DNM2: variants seen among roughly 807,000 people sequenced by gnomAD.
DNM2 encodes dynamin-2.
Under a neutral mutation model 99.0 loss-of-function variants are expected in DNM2, and 15 were observed. The ratio of observed to expected loss-of-function variants is 0.15; its 90% confidence interval spans 0.10 to 0.23. The LOEUF (loss-of-function observed/expected upper bound fraction) is 0.23, where lower values mean the gene tolerates loss of function less well. Among genes scored for constraint, DNM2 ranks in the 10% least tolerant of loss-of-function variants. The pLI, the probability that DNM2 is intolerant of heterozygous loss-of-function variation, is 1.00. For missense variants in DNM2, 742 were observed against 1,189.4 expected, an observed-to-expected ratio of 0.62 and a Z score of 5.53; for synonymous variants, 525 against 481.2, an observed-to-expected ratio of 1.09 and a Z score of -1.19.
intron 1 of DNM2, 159 bp downstream of exon 1, chr19:10,718,562 T>C (rs2068828978): frequency 6.5e-6 from 7 of 1,082,998 alleles, no homozygotes; most frequent in Non-Finnish European, 8.2e-6. Context: ...TGGGACGCCC[T>C]GGGCAGAGGA....
chr19:10,753,720 G>A (rs868051850), intron 1 of DNM2, among the ~76,000 whole-genome samples: 11 of 150,700 alleles, frequency 7.3e-5, no homozygotes, highest in South Asian at 2.1e-4. Flanking sequence ...GCAATGGCGC[G>A]ATCTCAGCTC....
chr19:10,823,884 C>A lies in DNM2; in HGVS notation c.1878C>A (p.Tyr626Ter). The change falls in exon 17 of 21, where the codon TAC becomes TAA. Residue 626 changes from tyrosine (Y) to a stop codon, truncating the protein, a stop_gained. Coordinates refer to ENST00000389253, the MANE Select transcript of DNM2 (RefSeq NM_001005361.3). LOFTEE classifies it high-confidence loss of function. The part of the protein sequence containing the change: ...WKASFLRAGV[Y>*]PEKDQAENED... ...CCTCGTTCCTCCGAGCTGGCGTCTACCCCGAGAAGGACCAGGTGAGGAGCC... is the reference window on the plus strand; with the variant it reads ...CCTCGTTCCTCCGAGCTGGCGTCTAACCCGAGAAGGACCAGGTGAGGAGCC... 1 of 1,613,742 alleles carries A rather than the reference C, an allele frequency of 6.2e-7. No individual in the cohort carries two copies. The highest frequency in any genetic ancestry group is 8.5e-7 in the Non-Finnish European group (1 of 1,179,980).
intron 6 of DNM2, 113 bp from the exon 7 acceptor site, chr19:10,786,451 G>A: frequency 6.6e-7 from 1 of 1,508,520 alleles, no homozygotes; most frequent in Non-Finnish European, 9.1e-7. Flanking sequence ...TGTGTGGTGT[G>A]GTGGCCGCAT....
At chr19:10,766,780 TC>T (rs1259555458) in intron 2 of DNM2, among the ~76,000 whole-genome samples, 7 of 152,042 alleles carry the variant, frequency 4.6e-5, no homozygotes, top group Non-Finnish European at 8.8e-5. Context: ...GACGGCTGAC[TC>T]CCTGGCCTTG....
chr19:10,736,941 G>A lies in DNM2; in HGVS notation c.161+18538G>A, dbSNP rs145972145. Among the ~76,000 whole-genome samples, 17 of 152,242 alleles carry A rather than the reference G, an allele frequency of 1.1e-4. No individual in the cohort carries two copies. In the East Asian group the frequency reaches 3.3e-3, roughly 29 times the overall value. The stretch of plus-strand genomic sequence containing the variant: ...GTGGAAGGATCTCTTGAGCCCAGGA[G>A]TACGAGACCAGCCTGGGCAACATAA... On this transcript the variant is annotated intron_variant, in intron 1 of 20. Coordinates refer to ENST00000389253, the MANE Select transcript of DNM2 (RefSeq NM_001005361.3).
At chr19:10,782,814 T>C in intron 5 of DNM2, 146 bp from the exon 6 acceptor site, 1 of 1,112,426 alleles carries the variant, frequency 9.0e-7, no homozygotes. Flanking sequence ...TCGCACCCTC[T>C]GTGTTGTTTC....
At chr19:10,719,013 A>G (rs2068847957) in intron 1 of DNM2, among the ~76,000 whole-genome samples, 1 of 152,144 alleles carries the variant, frequency 6.6e-6, no homozygotes. Flanking sequence ...AACACTGAGC[A>G]GTCCCTCTGT....
rs1393246805 is a variant in DNM2 at position 10,816,702 on chromosome 19, G to A, written c.1672-3278G>A. Among the ~76,000 whole-genome samples the A allele has an allele frequency of 2.6e-5, 4 of 152,190 alleles. No individual in the cohort carries two copies. The highest frequency in any genetic ancestry group is 4.4e-5 in the Non-Finnish European group (3 of 68,022). On this transcript the variant is annotated intron_variant, in intron 15 of 20. Coordinates refer to ENST00000389253, the MANE Select transcript of DNM2 (RefSeq NM_001005361.3). This position sits in a 1 kb window ranked among gnomAD's most constrained non-coding sequence, Gnocchi z 4.6. Reference sequence around the variant, plus strand: ...CCTGCCTTTCAGTTCAGGGCTGTGGGGACCTTCCAGGGTCCCCTGGGTGGG... The same window carrying A: ...CCTGCCTTTCAGTTCAGGGCTGTGGAGACCTTCCAGGGTCCCCTGGGTGGG...
At chr19:10,723,961 G>A (rs1437067419) in intron 1 of DNM2, among the ~76,000 whole-genome samples, 4 of 152,124 alleles carry the variant, frequency 2.6e-5, no homozygotes, top group Non-Finnish European at 4.4e-5. Context: ...GGTGACACCT[G>A]TAGTCCCAGC....
In DNM2 at chr19:10,824,954, C is replaced by T. The variant is rs570146630; in HGVS notation, c.1894-103C>T. The T allele has an allele frequency of 8.4e-5, 134 of 1,587,462 alleles. 1 individual carries two copies. Among genetic ancestry groups the T allele is most frequent in the Non-Finnish European group, 1.1e-4 (131 of 1,162,266 alleles). ...GCCAGTGGGGCTGTCAGGGGCCAGC[C>T]TGAGGTCAGTTATTGGTGGGACAAT... On this transcript the variant is annotated intron_variant, in intron 17 of 20. Coordinates refer to ENST00000389253, the MANE Select transcript of DNM2 (RefSeq NM_001005361.3).
chr19:10,798,051 AAGGAGTTCCTATCG>A (rs2071999913), intron 10 of DNM2, among the ~76,000 whole-genome samples: 1 of 152,118 alleles, frequency 6.6e-6, no homozygotes, highest in South Asian at 2.1e-4. Flanking sequence ...GGTTCTCTGC[AAGGAGTTCCTATCG>A]AGGCTGATGG....
At chr19:10,794,762 AC>A (rs1232342879) in intron 8 of DNM2, among the ~76,000 whole-genome samples, 1 of 152,088 alleles carries the variant, frequency 6.6e-6, no homozygotes, top group Non-Finnish European at 1.5e-5. Context: ...AACAAAAAAA[AC>A]AAAAAGAAAG....
At chr19:10,808,728 C>T (rs1014207033) in intron 14 of DNM2, 148 bp downstream of exon 14, 243 of 955,268 alleles carry the variant, frequency 2.5e-4, no homozygotes, top group African/African-American at 1.2e-4. Context: ...ATGCCGCAGC[C>T]GGCGCTGGAC....
chr19:10,720,760 C>G (rs1043113348), intron 1 of DNM2, among the ~76,000 whole-genome samples: 1 of 152,162 alleles, frequency 6.6e-6, no homozygotes, highest in East Asian at 1.9e-4. Context: ...GCTTACTTAC[C>G]TAACGCACTG....
intron 2 of DNM2, among the ~76,000 whole-genome samples, chr19:10,760,763 A>G (rs999901705): frequency 4.9e-5 from 7 of 143,684 alleles, no homozygotes; most frequent in Non-Finnish European, 7.5e-5. Flanking sequence ...GGCCCAAGCA[A>G]TCCTCTCCAA....
intron 6 of DNM2, among the ~76,000 whole-genome samples, chr19:10,785,922 C>T (rs2071542953): frequency 6.6e-6 from 1 of 151,928 alleles, no homozygotes; most frequent in African/African-American, 2.4e-5. Context: ...TCTCAGCCTC[C>T]CAAGTAGCTG....
chr19:10,723,909 T>C (rs966790558), intron 1 of DNM2, among the ~76,000 whole-genome samples: 203 of 152,082 alleles, frequency 1.3e-3, no homozygotes, highest in African/African-American at 4.7e-3. Flanking sequence ...CTGGGCAACA[T>C]AGACCCCGTC....
At chr19:10,803,184 G>A (rs115247264) in intron 12 of DNM2, among the ~76,000 whole-genome samples, 3,489 of 152,288 alleles carry the variant, frequency 0.023, 62 homozygotes, top group African/African-American at 0.039. Flanking sequence ...TCCAGAGGGC[G>A]GCCACTGGGC....
rs2069463922 is a variant in DNM2 at position 10,734,756 on chromosome 19, G to C, written c.161+16353G>C. On this transcript the variant is annotated intron_variant, in intron 1 of 20. Transcript: ENST00000389253. ...TTTTTATCGAGATGGGGGTCTTGCTGTCTGGAAGTATACATACTGAGAAAT... is the reference window on the plus strand; with the variant it reads ...TTTTTATCGAGATGGGGGTCTTGCTCTCTGGAAGTATACATACTGAGAAAT... Among the ~76,000 whole-genome samples, 4 of 148,508 alleles carry C rather than the reference G, an allele frequency of 2.7e-5. No homozygotes were observed. The Admixed American group carries it at 2.7e-4, about 10-fold the overall frequency.
Sources: allele counts gnomAD v4.1 joint callset (sites outside exome capture counted in the v4.1 genomes callset), GRCh38; gene constraint gnomAD v4.1.1; non-coding constraint Gnocchi (gnomAD v3.1); transcripts MANE v1.5; gene names NCBI Gene and HGNC (gene_info 2026-07-23, HGNC 2026-07-21).